Variants in CTH observed in about 807,000 individuals in gnomAD.
The protein encoded by CTH is cystathionine gamma-lyase, also known as cystathionase (cystathionine gamma-lyase).
In CTH, 41 loss-of-function variants were observed where a neutral mutation model predicts 50.6. The ratio of observed to expected loss-of-function variants is 0.81; its 90% CI spans 0.63 to 1.05. The LOEUF is 1.05. Ranked by LOEUF, CTH falls within the 50% of genes least tolerant of loss-of-function variation. The pLI is 0.00. For synonymous variants in CTH, 156 were observed against 168.9 expected (o/e 0.92, Z 0.59); for missense variants, 470 against 492.6 (o/e 0.95, Z 0.43).
At position 70,439,088 on chromosome 1, in the gene CTH, A is replaced by G. The variant is rs1245061817; in HGVS notation, c.1192-13A>G. 1 of 1,610,094 alleles carries G rather than the reference A, an allele frequency of 6.2e-7. No individual in the cohort carries two copies. The highest frequency in any genetic ancestry group is 8.5e-7 in the Non-Finnish European group (1 of 1,176,324). On this transcript the variant is annotated splice_polypyrimidine_tract_variant and intron_variant, in intron 11 of 11. Coordinates refer to ENST00000370938, the MANE Select transcript of CTH (RefSeq NM_001902.6). ...GTTTAATAACATATTTTTCTTGTGCACTGTTATTATAGCACCCTCCAAGTG... is the reference window on the plus strand; with the variant it reads ...GTTTAATAACATATTTTTCTTGTGCGCTGTTATTATAGCACCCTCCAAGTG...
intron 1 of CTH, among the ~76,000 whole-genome samples, chr1:70,412,262 T>C (rs1357509553): frequency 6.6e-6 from 1 of 152,228 alleles, no homozygotes; most frequent in Non-Finnish European, 1.5e-5. Context: ...ATAATGCTAG[T>C]AACAATTTAG....
At chr1:70,418,304 G>C (rs984778380) in intron 3 of CTH, among the ~76,000 whole-genome samples, 22 of 151,990 alleles carry the variant, frequency 1.4e-4, no homozygotes, top group South Asian at 6.2e-4. Flanking sequence ...GGTTGGAGTG[G>C]AGTGGTACGA....
intron 5 of CTH, among the ~76,000 whole-genome samples, chr1:70,426,628 T>C (rs1320402572): frequency 6.6e-6 from 1 of 152,224 alleles, no homozygotes; most frequent in Non-Finnish European, 1.5e-5. Context: ...TCAGACACCT[T>C]CGTGGGCCAT....
chr1:70,437,779 A>T (rs1403463974), intron 10 of CTH, among the ~76,000 whole-genome samples: 2 of 152,158 alleles, frequency 1.3e-5, no homozygotes, highest in African/African-American at 4.8e-5. Flanking sequence ...GTAAGAGAGG[A>T]GAAAGCAGCT....
chr1:70,415,569 T>C (rs481654), intron 1 of CTH, among the ~76,000 whole-genome samples: 115,316 of 152,206 alleles, frequency 0.76, 43,795 homozygotes, highest in East Asian at 0.82. Flanking sequence ...ATAAAAACTG[T>C]CATTTATTTA....
chr1:70,438,312 C>T (rs904590055), intron 10 of CTH, among the ~76,000 whole-genome samples: 4 of 152,136 alleles, frequency 2.6e-5, no homozygotes, highest in African/African-American at 9.7e-5. Flanking sequence ...TTATAAGTAG[C>T]AATCCAGTAG....
chr1:70,423,823 T>C (rs1684284573), intron 4 of CTH, among the ~76,000 whole-genome samples: 3 of 152,118 alleles, frequency 2.0e-5, no homozygotes, highest in Admixed American at 1.3e-4. Context: ...GTTTCTAGAG[T>C]TTCTGGCATT....
chr1:70,419,762 T>C (rs1348872699), intron 3 of CTH, among the ~76,000 whole-genome samples: 4 of 152,198 alleles, frequency 2.6e-5, no homozygotes, highest in Non-Finnish European at 5.9e-5. Flanking sequence ...AAGTGGTGAA[T>C]GTGGAGAAGA....
chr1:70,415,212 G>C (rs547271964), intron 1 of CTH, among the ~76,000 whole-genome samples: 1 of 152,048 alleles, frequency 6.6e-6, no homozygotes, highest in African/African-American at 2.4e-5. Context: ...ACCAGCCTGG[G>C]CAACATAGCT....
intron 9 of CTH, 115 bp from the exon 10 acceptor site, chr1:70,435,010 C>G (rs994444486): frequency 2.1e-6 from 2 of 960,238 alleles, no homozygotes; most frequent in Non-Finnish European, 1.5e-6. Flanking sequence ...CTTGGCCTCC[C>G]AAAGTGCTGG....
chr1:70,435,879 G>A (rs1028487633), intron 10 of CTH, among the ~76,000 whole-genome samples: 8 of 152,180 alleles, frequency 5.3e-5, no homozygotes, highest in Non-Finnish European at 7.4e-5. Context: ...ACACAGGAAC[G>A]TGTTCGCAGC....
Position 70,416,001 on chromosome 1 carries a change from GA to G in CTH, c.219del (p.Ala74GlnfsTer18). The G allele has an allele frequency of 1.2e-6, 2 of 1,610,406 alleles. No individual in the cohort carries two copies. The highest frequency in any genetic ancestry group is 1.7e-6 in the Non-Finnish European group (2 of 1,176,650). ...RSGNPTRNCL[E>X]KAVAALDGAK... is the part of the protein sequence containing the mutation. ...TGGAAATCCCACTAGGAATTGCCTT[GA>G]AAAAGCAGTGGCAGCACTGGATGGG... On this transcript the variant is annotated frameshift_variant, in exon 2 of 12. Coordinates refer to ENST00000370938, the MANE Select transcript of CTH (RefSeq NM_001902.6). LOFTEE classifies it high-confidence loss of function.
chr1:70,417,942 G>T lies in CTH; in HGVS notation c.256G>T (p.Ala86Ser), dbSNP rs1266754218. Residue 86 changes from alanine to serine, a missense_variant, in exon 3 of 12, where the codon GCC becomes TCC. Transcript: ENST00000370938. Reference sequence around the variant, plus strand: ...TAACTTGATTTTTATTTTAGGTTTGGCCTTTGCTTCAGGTTTAGCAGCCAC... The same window carrying T: ...TAACTTGATTTTTATTTTAGGTTTGTCCTTTGCTTCAGGTTTAGCAGCCAC... ...AALDGAKYCL[A>S]FASGLAATVT... 6.2e-7 allele frequency: 1 copy of T among 1,613,790 alleles called. No homozygotes were observed. Among genetic ancestry groups the T allele is most frequent in the East Asian group, 2.2e-5 (1 of 44,852 alleles).
At chr1:70,427,947 A>G (rs1196447419) in intron 5 of CTH, among the ~76,000 whole-genome samples, 1 of 152,110 alleles carries the variant, frequency 6.6e-6, no homozygotes. Context: ...TCCTGACCTC[A>G]AGTGATCCAC....
intron 1 of CTH, among the ~76,000 whole-genome samples, chr1:70,414,721 G>C (rs1684049926): frequency 6.6e-6 from 1 of 152,100 alleles, no homozygotes; most frequent in Non-Finnish European, 1.5e-5. Context: ...AGGTACTATT[G>C]CATTTGGCTT....
In CTH at chr1:70,415,953, C is replaced by T; in HGVS notation, c.169-3C>T. The T allele has an allele frequency of 6.3e-7, 1 of 1,591,780 alleles. No homozygotes were observed. The highest frequency in any genetic ancestry group is 8.6e-7 in the Non-Finnish European group (1 of 1,159,664). On this transcript the variant is annotated splice_region_variant and splice_polypyrimidine_tract_variant and intron_variant, in intron 1 of 11. Coordinates refer to ENST00000370938, the MANE Select transcript of CTH (RefSeq NM_001902.6). ...AGGATGAACTCGAACTTGTTTTTTT[C>T]AGGGTTTTGAATATAGCCGTTCTGG...
chr1:70,433,002 T>C (rs1684514151), intron 8 of CTH, among the ~76,000 whole-genome samples: 1 of 152,142 alleles, frequency 6.6e-6, no homozygotes, highest in South Asian at 2.1e-4. Flanking sequence ...TTCTCTCCTG[T>C]ATTTCTCTCC....
chr1:70,417,395 C>A (rs1032531521), intron 2 of CTH, among the ~76,000 whole-genome samples: 1 of 152,042 alleles, frequency 6.6e-6, no homozygotes, highest in Admixed American at 6.6e-5. Flanking sequence ...AGCGATTCTC[C>A]TGCCTCAGTC....
intron 4 of CTH, among the ~76,000 whole-genome samples, chr1:70,423,509 T>C (rs891715395): frequency 5.9e-5 from 9 of 151,854 alleles, no homozygotes; most frequent in African/African-American, 1.9e-4. Flanking sequence ...AGGTCGAAGC[T>C]GCCGTTAGCT....
Sources: allele counts gnomAD v4.1 joint callset (sites outside exome capture counted in the v4.1 genomes callset), GRCh38; gene constraint gnomAD v4.1.1; transcripts MANE v1.5; gene names NCBI Gene and HGNC (gene_info 2026-07-23, HGNC 2026-07-21).